UBA5: variants seen among roughly 807,000 people sequenced by gnomAD.
UBA5 encodes ubiquitin-like modifier-activating enzyme 5.
UBA5 carries 28 observed loss-of-function variants against 52.9 expected under a neutral mutation model. That is an observed-to-expected ratio of 0.53 (90% confidence interval 0.39 to 0.73). The LOEUF (loss-of-function observed/expected upper bound fraction) is 0.73. UBA5 is among the 30% of genes least tolerant of loss of function. The pLI, the probability that UBA5 is intolerant of heterozygous loss-of-function variation, is 0.00. For missense variants in UBA5, 388 were observed against 492.7 expected, an observed-to-expected ratio of 0.79 and a Z score of 2.01; for synonymous variants, 135 against 162.1, an observed-to-expected ratio of 0.83 and a Z score of 1.27.
In UBA5 at chr3:132,660,453, C is replaced by G; in HGVS notation, c.-85C>G. ...CAGCGGCGAGGTGCCTCCCCACGTA[C>G]CCCTCGCGGGCCCAGCCGAGCAACG... On this transcript the variant is annotated 5_prime_UTR_variant, in exon 1 of 12. Transcript: ENST00000356232. This position sits in a 1 kb window ranked among gnomAD's most constrained non-coding sequence, Gnocchi z 4.1. The G allele has an allele frequency of 1.3e-6, 2 of 1,507,862 alleles. No individual in the cohort carries two copies. The highest frequency in any genetic ancestry group is 1.8e-6 in the Non-Finnish European group (2 of 1,124,228). 93.4% of individuals were successfully genotyped at this position (1,507,862 alleles called of 1,614,324 possible).
rs761169562 is a variant in UBA5, at chr3:132,670,250, G to A, written c.460G>A (p.Val154Met). 19 of 1,501,148 alleles carry A rather than the reference G, an allele frequency of 1.3e-5. No individual in the cohort carries two copies. Among genetic ancestry groups the A allele is most frequent in the Non-Finnish European group, 1.7e-5 (18 of 1,088,572 alleles). The allele number at this position is 1,501,148 out of a possible 1,614,324, so 93.0% of individuals were successfully genotyped here. A position where few individuals can be genotyped will look rare whatever the true frequency, so the allele number is the denominator to read the frequency against. Residue 154 changes from valine (V) to methionine (M), a missense_variant, in exon 5 of 12, where the codon GTG becomes ATG. Coordinates refer to ENST00000356232, the MANE Select transcript of UBA5 (RefSeq NM_024818.6). Reference protein sequence around the residue: ...FEVHNYNITTVENFQHFMDRI... With the variant: ...FEVHNYNITTMENFQHFMDRI... The stretch of plus-strand genomic sequence containing the variant: ...AGTACACAACTATAATATAACCACA[G>A]TGGAAAACTTTCAACATTTCATGGA...
chr3:132,677,902 A>AT lies in UBA5; in HGVS notation c.*1379dup, dbSNP rs2107955034. 1 of 152,298 alleles carries AT rather than the reference A, an allele frequency of 6.6e-6. No homozygotes were observed. The highest frequency in any genetic ancestry group is 6.5e-5 in the Admixed American group (1 of 15,304). 9.4% of individuals were successfully genotyped at this position (152,298 alleles called of 1,614,324 possible). A position where few individuals can be genotyped will look rare whatever the true frequency, so the allele number is the denominator to read the frequency against. The stretch of plus-strand genomic sequence containing the variant: ...GATAGTTTTTTTAGCCTGGAAACTT[A>AT]TTTATGTTGCCTTGGTGAGTCTTCT... On this transcript the variant is annotated 3_prime_UTR_variant, in exon 12 of 12. Transcript: ENST00000356232.
intron 1 of UBA5, 102 bp from the exon 2 acceptor site, chr3:132,665,721 G>A: frequency 8.6e-7 from 1 of 1,157,748 alleles, no homozygotes; most frequent in Non-Finnish European, 1.3e-6. Context: ...GATTAGTAAT[G>A]ATTATATTTT....
rs114925667 is a variant in UBA5 at position 132,675,903 on chromosome 3, G to A, written c.1111G>A (p.Ala371Thr). 2.7e-3 allele frequency: 4,316 copies of A among 1,601,206 alleles called. 7 individuals are homozygous for A. The highest frequency in any genetic ancestry group is 3.2e-3 in the Non-Finnish European group (3,742 of 1,175,432). The change falls in exon 11 of 12, where the codon GCA becomes ACA. Residue 371 changes from alanine (A) to threonine (T), a missense_variant. By Grantham distance (58) the Ala-to-Thr change is moderately conservative. Coordinates refer to ENST00000356232, the MANE Select transcript of UBA5 (RefSeq NM_024818.6). The stretch of plus-strand genomic sequence containing the variant: ...AGACTTACCTGAAGGAATTACAGTG[G>A]CATACACAATTCCAAAAAAGGTACT... ...VPDLPEGITV[A>T]YTIPKKQEDS... is the part of the protein sequence containing the mutation.
At chr3:132,666,107 A>C in intron 3 of UBA5, 34 bp downstream of exon 3, 1 of 1,572,822 alleles carries the variant, frequency 6.4e-7, no homozygotes, top group South Asian at 1.1e-5. Flanking sequence ...TCATATAGGG[A>C]ACTACTCACT....
At chr3:132,675,956 AT>A (rs1311611956) in intron 11 of UBA5, 33 bp downstream of exon 11, 2 of 1,321,136 alleles carry the variant, frequency 1.5e-6, no homozygotes, top group Admixed American at 4.3e-5. Flanking sequence ...CCATATGTAA[AT>A]ATCATATAAA....
intron 8 of UBA5, among the ~76,000 whole-genome samples, chr3:132,674,633 G>A (rs1398139175): frequency 1.3e-5 from 2 of 152,192 alleles, no homozygotes; most frequent in African/African-American, 4.8e-5. Flanking sequence ...AGGCTACAGT[G>A]AGCCATGATC....
At chr3:132,671,999 A>G (rs1938624328) in intron 7 of UBA5, 51 bp from the exon 8 acceptor site, 1 of 1,608,844 alleles carries the variant, frequency 6.2e-7, no homozygotes, top group African/African-American at 1.3e-5. Flanking sequence ...TATTTGGAAC[A>G]TCTCATACTT....
intron 8 of UBA5, among the ~76,000 whole-genome samples, chr3:132,673,973 C>A (rs113946773): frequency 6.6e-6 from 1 of 152,216 alleles, no homozygotes; most frequent in East Asian, 1.9e-4. Context: ...GCCTATAGTA[C>A]ACATTTTTTA....
At position 132,670,230 on chromosome 3, in the gene UBA5, A is replaced by T. The variant is rs1358218303; in HGVS notation, c.440A>T (p.His147Leu). Residue 147 changes from histidine (H) to leucine (L), a missense_variant, in exon 5 of 12, where the codon CAC becomes CTC. Around this residue, in one of 3 missense-constraint regions of UBA5, gnomAD observed 277 missense variants for 326.4 expected, o/e 0.85. Coordinates refer to ENST00000356232, the MANE Select transcript of UBA5 (RefSeq NM_024818.6). The stretch of plus-strand genomic sequence containing the variant: ...AATCCTGATGTTCTTTTTGAAGTAC[A>T]CAACTATAATATAACCACAGTGGAA... ...NINPDVLFEVHNYNITTVENF... is the reference protein window; with the variant it reads ...NINPDVLFEVLNYNITTVENF... The T allele has an allele frequency of 2.0e-6, 3 of 1,511,698 alleles. No individual in the cohort carries two copies. In the South Asian group the frequency reaches 3.5e-5, roughly 18 times the overall value. 93.6% of individuals were successfully genotyped at this position (1,511,698 alleles called of 1,614,324 possible). A position where few individuals can be genotyped will look rare whatever the true frequency, so the allele number is the denominator to read the frequency against.
chr3:132,673,842 T>C (rs570320271), intron 8 of UBA5, among the ~76,000 whole-genome samples: 69 of 152,246 alleles, frequency 4.5e-4, no homozygotes, highest in Non-Finnish European at 7.4e-4. Context: ...TGTTTTTGTA[T>C]TTTTTGTAGA....
chr3:132,671,735 CT>C (rs770925003), intron 6 of UBA5, 41 bp from the exon 7 acceptor site: 2 of 1,481,584 alleles, frequency 1.3e-6, no homozygotes, highest in Non-Finnish European at 1.9e-6. Flanking sequence ...ACTTCTTGCT[CT>C]TTTATTTTTT....
At chr3:132,657,744 T>C (rs1057051061), upstream of UBA5, among the ~76,000 whole-genome samples, 56 of 152,212 alleles carry the variant, frequency 3.7e-4, no homozygotes, top group Non-Finnish European at 8.2e-4. Flanking sequence ...ACACTGAACT[T>C]TGATAGTCTT....
chr3:132,666,119 C>A, intron 3 of UBA5, 46 bp downstream of exon 3: 2 of 1,528,028 alleles, frequency 1.3e-6, no homozygotes, highest in South Asian at 1.1e-5. Flanking sequence ...CTACTCACTC[C>A]TGGAGTAAAT....
chr3:132,668,943 A>G lies in UBA5; in HGVS notation c.407+16A>G. 1 of 1,451,066 alleles carries G rather than the reference A, an allele frequency of 6.9e-7. No individual in the cohort carries two copies. The highest frequency in any genetic ancestry group is 1.2e-5 in the South Asian group (1 of 82,172). 89.9% of individuals were successfully genotyped at this position (1,451,066 alleles called of 1,614,324 possible). A position where few individuals can be genotyped will look rare whatever the true frequency, so the allele number is the denominator to read the frequency against. The stretch of plus-strand genomic sequence containing the variant: ...ATACTCTGAGGTAAATGGAATAGCA[A>G]TCAAGTACCATATTCAGTGAAATCT... On this transcript the variant is annotated intron_variant, in intron 4 of 11. Coordinates refer to ENST00000356232, the MANE Select transcript of UBA5 (RefSeq NM_024818.6).
chr3:132,673,248 C>T (rs1375782041), intron 8 of UBA5, among the ~76,000 whole-genome samples: 3 of 152,166 alleles, frequency 2.0e-5, no homozygotes, highest in Admixed American at 2.0e-4. Context: ...TAGCTAGCCC[C>T]TCTATTGATG....
At chr3:132,675,103 TTC>T (rs1268974298) in intron 8 of UBA5, 143 bp from the exon 9 acceptor site, 4 of 602,804 alleles carry the variant, frequency 6.6e-6, no homozygotes, top group East Asian at 6.0e-5. Context: ...AAGATAAAAT[TTC>T]TGTTTTCTGG....
At chr3:132,655,098 C>T (rs927093107) in intron 1 of UBA5, among the ~76,000 whole-genome samples, 3 of 152,170 alleles carry the variant, frequency 2.0e-5, no homozygotes, top group Non-Finnish European at 2.9e-5. Flanking sequence ...GGACCACTGC[C>T]GTATATGCAG....
rs1355740131 is a variant in UBA5 at position 132,679,042 on chromosome 3, G to C, written c.*2516G>C. Among the ~76,000 whole-genome samples, 4 of 151,678 alleles carry C rather than the reference G, an allele frequency of 2.6e-5. No homozygotes were observed. The highest frequency in any genetic ancestry group is 9.7e-5 in the African/African-American group (4 of 41,278). The stretch of plus-strand genomic sequence containing the variant: ...CTCAGCACTTTGGGAGGCTGAGGTG[G>C]GTAGGTCAAGAGGTCAGGAGTTCGA... On this transcript the variant is annotated 3_prime_UTR_variant, in exon 12 of 12. Transcript: ENST00000356232.
Sources: gnomAD v4.1 joint callset for allele counts (sites outside exome capture counted in the v4.1 genomes callset) on GRCh38, gnomAD v4.1.1 for gene constraint, gnomAD v4.1.1 regional missense constraint, Gnocchi (gnomAD v3.1) non-coding constraint, MANE v1.5 for transcripts, NCBI Gene and HGNC (gene_info 2026-07-23, HGNC 2026-07-21) for gene names.